The following RFESD variants were observed in gnomAD, a reference collection of about 807,000 sequenced individuals.
The protein encoded by RFESD is Rieske domain-containing protein.
RFESD carries 16 observed loss-of-function variants against 24.4 expected under a neutral mutation model. That is an observed-to-expected ratio of 0.66 (90% CI 0.44 to 1.00). RFESD has a LOEUF of 1.00. Among genes scored for constraint, RFESD ranks in the 50% least tolerant of loss-of-function variants. The pLI, the probability that RFESD is intolerant of heterozygous loss-of-function variation, is 0.00. For missense variants in RFESD, 208 were observed against 247.0 expected, an observed-to-expected ratio of 0.84 and a Z score of 1.06; for synonymous variants, 59 against 81.8, an observed-to-expected ratio of 0.72 and a Z score of 1.50.
chr5:95,654,269 A>G, intron 4 of RFESD, 33 bp downstream of exon 4: 1 of 1,609,016 alleles, frequency 6.2e-7, no homozygotes, highest in South Asian at 1.1e-5. Context: ...TAAAACTTTA[A>G]ACCATGAAAC....
chr5:95,647,693 C>CTA (rs1445888193), intron 1 of RFESD: 4 of 151,646 alleles, frequency 2.6e-5, no homozygotes, highest in Non-Finnish European at 5.9e-5. Context: ...AATATCAATA[C>CTA]TATATATATC....
intron 3 of RFESD, among the ~76,000 whole-genome samples, chr5:95,653,716 CAG>C (rs1457630529): frequency 1.3e-4 from 20 of 152,214 alleles, no homozygotes; most frequent in Admixed American, 4.6e-4. Flanking sequence ...CTGGCCAACA[CAG>C]AGAAACCTGT....
Position 95,653,529 on chromosome 5 carries a change from G to T in RFESD, c.158+315G>T, listed in dbSNP as rs1464146514. Among the ~76,000 whole-genome samples, 3 of 152,228 alleles carry T rather than the reference G, an allele frequency of 2.0e-5. No homozygotes were observed. The East Asian group carries it at 5.8e-4, about 29-fold the overall frequency. On this transcript the variant is annotated intron_variant, in intron 3 of 5. Transcript: ENST00000380005. ...TGAATCTAATACAACTCTAGCCTCA[G>T]ATTGAGGAATCCTCCCTAATTTTGG...
rs1450216583 is a variant in RFESD, at chr5:95,652,295, T to A, written c.24T>A (p.Cys8Ter). ...AAATGTTGAAGTGTTTCAGGAATTG[T>A]CTTAGACCTTCTTCCTTATCTACAC... MLKCFRN[C>*]LRPSSLSTLP... is the part of the protein sequence containing the mutation. The change falls in exon 2 of 6, where the codon TGT becomes TGA. Residue 8 changes from cysteine to a stop codon, truncating the protein, a stop_gained. Transcript: ENST00000380005. LOFTEE classifies it high-confidence loss of function. 6.5e-7 allele frequency: 1 copy of A among 1,550,304 alleles called. No individual in the cohort carries two copies.
In RFESD at chr5:95,656,037, C is replaced by T. The variant is rs202025519; in HGVS notation, c.370-9C>T. On this transcript the variant is annotated splice_polypyrimidine_tract_variant and intron_variant, in intron 5 of 5. Coordinates refer to ENST00000380005, the MANE Select transcript of RFESD (RefSeq NM_001131066.2). ...GTCAGAATATTAAATGAGTTATTCT[C>T]TTCCCCAGGATTTTGATGGACGACC... The T allele has an allele frequency of 2.5e-6, 4 of 1,611,110 alleles. No individual in the cohort carries two copies. In the East Asian group the frequency reaches 8.9e-5, roughly 36 times the overall value.
intron 1 of RFESD, among the ~76,000 whole-genome samples, chr5:95,651,110 A>AAC (rs1366317567): frequency 6.6e-6 from 1 of 151,754 alleles, no homozygotes; most frequent in African/African-American, 2.4e-5. Context: ...AAAAAAAAAA[A>AAC]AAAAAAAAAA....
chr5:95,650,771 C>T (rs1750286372), intron 1 of RFESD, among the ~76,000 whole-genome samples: 1 of 152,092 alleles, frequency 6.6e-6, no homozygotes, highest in Non-Finnish European at 1.5e-5. Flanking sequence ...CCATTCTAAG[C>T]TAGGTACACC....
chr5:95,654,369 T>G lies in RFESD; in HGVS notation c.369+2T>G. On this transcript the variant is annotated splice_donor_variant, in intron 5 of 5. Coordinates refer to ENST00000380005, the MANE Select transcript of RFESD (RefSeq NM_001131066.2). LOFTEE classifies it high-confidence loss of function. ...CCTTTACATTTGGGAGATATAGAGG[T>G]ATGTAAAATTAAATTTATTTTCAGC... The G allele has an allele frequency of 6.4e-7, 1 of 1,571,644 alleles. No individual in the cohort carries two copies. The highest frequency in any genetic ancestry group is 1.2e-5 in the South Asian group (1 of 85,192).
intron 5 of RFESD, among the ~76,000 whole-genome samples, 184 bp downstream of exon 5, chr5:95,654,551 T>C (rs1750609759): frequency 6.6e-6 from 1 of 152,234 alleles, no homozygotes; most frequent in Non-Finnish European, 1.5e-5. Flanking sequence ...ATCTATTCTA[T>C]GGCCATAATT....
Position 95,653,198 on chromosome 5 carries a change from A to G in RFESD, c.142A>G (p.Thr48Ala). ...GHFSSAVISVTSFYLSMNLDG... is the reference protein window; with the variant it reads ...GHFSSAVISVASFYLSMNLDG... The stretch of plus-strand genomic sequence containing the variant: ...TTTCAGCTCAGCTGTCATCTCAGTG[A>G]CCAGTTTTTATCTGAGGTAAGAAAA... Residue 48 changes from threonine (T) to alanine (A), a missense_variant, in exon 3 of 6, where the codon ACC (threonine) becomes GCC (alanine). Coordinates refer to ENST00000380005, the MANE Select transcript of RFESD (RefSeq NM_001131066.2). 1 of 1,551,678 alleles carries G rather than the reference A, an allele frequency of 6.4e-7. No individual in the cohort carries two copies.
At chr5:95,653,278 G>A in intron 3 of RFESD, 64 bp downstream of exon 3, 1 of 1,544,252 alleles carries the variant, frequency 6.5e-7, no homozygotes, top group East Asian at 2.4e-5. Flanking sequence ...ATCTGGTTGT[G>A]CCTGTAAGAG....
chr5:95,648,821 G>A (rs1048094284), intron 1 of RFESD, among the ~76,000 whole-genome samples: 4 of 148,720 alleles, frequency 2.7e-5, no homozygotes, highest in South Asian at 2.2e-4. Flanking sequence ...TTATTTGGGA[G>A]TTGGGAAAAC....
chr5:95,646,935 C>T (rs1044470353), intron 1 of RFESD, 118 bp downstream of exon 1: 3 of 152,406 alleles, frequency 2.0e-5, no homozygotes, highest in Non-Finnish European at 2.9e-5. Context: ...GCCTGAGGCC[C>T]TCTTGGGTTT....
At chr5:95,647,883 C>T (rs896218217) in intron 1 of RFESD, 1 of 152,016 alleles carries the variant, frequency 6.6e-6, no homozygotes, top group African/African-American at 2.4e-5. Flanking sequence ...TAGGCATTTA[C>T]TAAAGGACAG....
intron 5 of RFESD, among the ~76,000 whole-genome samples, 190 bp downstream of exon 5, chr5:95,654,557 T>C (rs1284721559): frequency 6.6e-6 from 1 of 152,226 alleles, no homozygotes; most frequent in Non-Finnish European, 1.5e-5. Context: ...TCTATGGCCA[T>C]AATTGCACGG....
chr5:95,648,892 C>CTTTTTTTTTTTTTTTTT (rs35016122), intron 1 of RFESD, among the ~76,000 whole-genome samples: 1 of 72,426 alleles, frequency 1.4e-5, no homozygotes, highest in Non-Finnish European at 2.7e-5. Flanking sequence ...GATAGTAGTG[C>CTTTTTTTTTTTTTTTTT]TTTTTTTTTT....
At chr5:95,647,203 A>G (rs1750140556) in intron 1 of RFESD, 1 of 152,224 alleles carries the variant, frequency 6.6e-6, no homozygotes, top group Non-Finnish European at 1.5e-5. Context: ...GAGAATTTGC[A>G]GCACCTGGAC....
In RFESD at chr5:95,654,174, A is replaced by C. The variant is rs74672963; in HGVS notation, c.272A>C (p.Asp91Ala). Residue 91 changes from aspartate to alanine, a missense_variant, in exon 4 of 6, where the codon GAT (aspartate) becomes GCT (alanine). Coordinates refer to ENST00000380005, the MANE Select transcript of RFESD (RefSeq NM_001131066.2). ...KSERMTAVVH[D>A]REVVIFYHKG... ...GAAAGAATGACAGCTGTTGTCCATG[A>C]TAGAGAAGTGGTCATTTTCTACCAC... 0.04 allele frequency: 64,449 copies of C among 1,612,548 alleles called. 1,492 individuals are homozygous for C. Among genetic ancestry groups the C allele is most frequent in the African/African-American group, 0.087 (6,504 of 74,968 alleles).
Position 95,654,343 on chromosome 5 carries a change from A to G in RFESD, c.345A>G (p.Gly115=), listed in dbSNP as rs545920984. The G allele has an allele frequency of 2.4e-4, 379 of 1,608,698 alleles. 4 individuals carry two copies. In the South Asian group the frequency reaches 4.1e-3, roughly 17 times the overall value. ...TCAATTCCTTTTCAGACTCAGGAGG[A>G]CCTTTACATTTGGGAGATATAGAGG... is the stretch of plus-strand genomic sequence containing the variant. The part of the protein sequence containing the change: ...AMDIRCYHSG[G]PLHLGDIEDF... Residue 115 remains glycine, a synonymous_variant, in exon 5 of 6, where the codon GGA becomes GGG. Coordinates refer to ENST00000380005, the MANE Select transcript of RFESD (RefSeq NM_001131066.2).
Sources: allele counts gnomAD v4.1 joint callset (sites outside exome capture counted in the v4.1 genomes callset), GRCh38; gene constraint gnomAD v4.1.1; transcripts MANE v1.5; gene names NCBI Gene and HGNC (gene_info 2026-07-23, HGNC 2026-07-21).